CDON: variants seen among roughly 807,000 people sequenced by gnomAD.
CDON encodes cell adhesion molecule-related/down-regulated by oncogenes.
A neutral mutation model predicts 120.9 loss-of-function variants in CDON; 73 were observed. That is an observed-to-expected ratio of 0.60 (90% CI 0.50 to 0.73). The LOEUF (loss-of-function observed/expected upper bound fraction) is 0.73, where lower values mean the gene tolerates loss of function less well. Ranked by LOEUF, CDON falls within the 30% of genes least tolerant of loss-of-function variation. The pLI is 0.00. For missense variants in CDON, 1,470 were observed against 1,587.3 expected (o/e 0.93, Z 1.26); for synonymous variants, 566 against 573.5 (o/e 0.99, Z 0.19).
chr11:126,049,333 C>T (rs916361044), intron 1 of CDON, among the ~76,000 whole-genome samples: 9 of 152,048 alleles, frequency 5.9e-5, no homozygotes, highest in Non-Finnish European at 1.2e-4. Context: ...CTTGACAGAT[C>T]GTAGATAAGT....
chr11:126,054,558 G>A (rs116351153), intron 1 of CDON, among the ~76,000 whole-genome samples: 1,959 of 152,200 alleles, frequency 0.013, 39 homozygotes, highest in African/African-American at 0.044. Flanking sequence ...GCAAAATCGT[G>A]TGTTGAAATC....
In CDON at chr11:126,023,457, G is replaced by A. The variant is rs201873943; in HGVS notation, c.20C>T (p.Pro7Leu). 7.2e-5 allele frequency: 116 copies of A among 1,612,998 alleles called. No homozygotes were observed. Among genetic ancestry groups the A allele is most frequent in the Non-Finnish European group, 9.5e-5 (112 of 1,179,032 alleles). Residue 7 changes from proline to leucine, a missense_variant, in exon 2 of 20, where the codon CCC (proline) becomes CTC (leucine). Pro to Leu is a moderately conservative substitution (Grantham distance 98). Transcript: ENST00000531738. MHPDLG[P>L]LCTLLYVTLT... ...AGTAACATACAGCAGTGTACATAAG[G>A]GTCCAAGATCCGGATGCATAGCGCC...
intron 7 of CDON, among the ~76,000 whole-genome samples, chr11:126,013,583 G>C (rs1947368622): frequency 6.6e-6 from 1 of 151,884 alleles, no homozygotes; most frequent in East Asian, 1.9e-4. Context: ...ATAATTTTTT[G>C]TCACAAAATT....
chr11:125,993,395 GCACACACACA>G (rs72031190), intron 14 of CDON, among the ~76,000 whole-genome samples: 54 of 150,996 alleles, frequency 3.6e-4, no homozygotes, highest in African/African-American at 8.5e-4. Context: ...GCGCGTGCGT[GCACACACACA>G]CACACACACA....
At chr11:125,975,319 T>C (rs137932324) in intron 18 of CDON, among the ~76,000 whole-genome samples, 73 of 152,376 alleles carry the variant, frequency 4.8e-4, no homozygotes, top group African/African-American at 1.6e-3. Context: ...TGTTAGACTA[T>C]GGACTCTCTG....
Position 126,021,372 on chromosome 11 carries a change from A to G in CDON, c.225T>C (p.Val75=), listed in dbSNP as rs200691100. The G allele has an allele frequency of 2.7e-5, 43 of 1,614,150 alleles. No homozygotes were observed. The highest frequency in any genetic ancestry group is 5.0e-5 in the Admixed American group (3 of 60,022). The part of the protein sequence containing the change: ...GKTLDGNLEH[V]KIHQGTLTIL... ...TTGTCAGAGTCCCCTGATGAATCTT[A>G]ACATGTTCCAGGTTTCCATCCAATG... is the stretch of plus-strand genomic sequence containing the variant. Residue 75 remains valine, a synonymous_variant, in exon 3 of 20, where the codon GTT becomes GTC. Coordinates refer to ENST00000531738, the MANE Select transcript of CDON (RefSeq NM_001378964.1).
intron 1 of CDON, among the ~76,000 whole-genome samples, chr11:126,033,505 A>G (rs1223597290): frequency 6.6e-6 from 1 of 152,180 alleles, no homozygotes; most frequent in Non-Finnish European, 1.5e-5. Context: ...CTAATGAAAA[A>G]GTTTTAAAGC....
intron 14 of CDON, among the ~76,000 whole-genome samples, chr11:125,990,329 T>C (rs1432900631): frequency 6.6e-6 from 1 of 152,212 alleles, no homozygotes; most frequent in African/African-American, 2.4e-5. Context: ...GGGAAACTCT[T>C]GGCCACCACC....
At chr11:126,011,101 G>A (rs1947289897) in intron 7 of CDON, among the ~76,000 whole-genome samples, 1 of 152,128 alleles carries the variant, frequency 6.6e-6, no homozygotes, top group Non-Finnish European at 1.5e-5. Context: ...CAATTTTGTG[G>A]GGTAGGGTGG....
chr11:126,061,604 A>C (rs1323736814), intron 1 of CDON, among the ~76,000 whole-genome samples: 1 of 152,240 alleles, frequency 6.6e-6, no homozygotes, highest in African/African-American at 2.4e-5. Context: ...TTATGTTATC[A>C]GCGCCGAAAG....
chr11:125,984,855 A>G (rs1166991339), intron 15 of CDON, among the ~76,000 whole-genome samples: 1 of 152,182 alleles, frequency 6.6e-6, no homozygotes, highest in African/African-American at 2.4e-5. Flanking sequence ...GCTTTGGACT[A>G]CTAGAAAAAT....
At chr11:126,020,843 A>C (rs1342676817) in intron 3 of CDON, among the ~76,000 whole-genome samples, 1 of 152,252 alleles carries the variant, frequency 6.6e-6, no homozygotes, top group Non-Finnish European at 1.5e-5. Context: ...TGTGAAAGAA[A>C]GACAAAGGAC....
At chr11:126,014,116 A>G (rs74687648) in intron 7 of CDON, among the ~76,000 whole-genome samples, 1,825 of 152,258 alleles carry the variant, frequency 0.012, 38 homozygotes, top group African/African-American at 0.042. Flanking sequence ...CACTAATGTC[A>G]GAACATTTGG....
chr11:125,970,335 T>A (rs1407216140), intron 18 of CDON, among the ~76,000 whole-genome samples: 4 of 151,908 alleles, frequency 2.6e-5, no homozygotes. Context: ...CCACCACGCC[T>A]GGCTGATTTT....
At chr11:126,042,771 G>A (rs746935215) in intron 1 of CDON, among the ~76,000 whole-genome samples, 3 of 152,166 alleles carry the variant, frequency 2.0e-5, no homozygotes, top group South Asian at 2.1e-4. Flanking sequence ...ACAAGCACAC[G>A]CTGCCATGCT....
At position 126,045,435 on chromosome 11, in the gene CDON, TATAAA is replaced by T. The variant is rs568570615; in HGVS notation, c.-62+17139_-62+17143del. Among the ~76,000 whole-genome samples, 359 of 152,220 alleles carry T rather than the reference TATAAA, an allele frequency of 2.4e-3. 2 individuals carry two copies. Among genetic ancestry groups the T allele is most frequent in the Non-Finnish European group, 4.0e-3 (275 of 68,008 alleles). On this transcript the variant is annotated intron_variant, in intron 1 of 19. Coordinates refer to ENST00000531738, the MANE Select transcript of CDON (RefSeq NM_001378964.1). ...AGAATCAAAAAACAGACAAAGGAAATATAAAATAAACAAAAATAGTTCTCAATCAT... is the reference window on the plus strand; with the variant it reads ...AGAATCAAAAAACAGACAAAGGAAATATAAACAAAAATAGTTCTCAATCAT...
At chr11:126,012,990 T>A (rs995638674) in intron 7 of CDON, among the ~76,000 whole-genome samples, 2 of 152,202 alleles carry the variant, frequency 1.3e-5, no homozygotes, top group African/African-American at 4.8e-5. Context: ...TTAAATGCAA[T>A]GTTTCCTGTA....
chr11:126,063,252 TGCACTCAC>T (rs1281262943), upstream of CDON: 2 of 152,384 alleles, frequency 1.3e-5, no homozygotes, highest in Non-Finnish European at 2.9e-5. Flanking sequence ...CCATCATGCC[TGCACTCAC>T]GCTCCCCTCA....
At chr11:126,015,541 G>T in intron 6 of CDON, 31 bp from the exon 7 acceptor site, 1 of 1,609,330 alleles carries the variant, frequency 6.2e-7, no homozygotes, top group Non-Finnish European at 8.5e-7. Context: ...TTAAACTCTA[G>T]CCCTCAAAAT....
Sources: gnomAD v4.1 joint callset for allele counts (sites outside exome capture counted in the v4.1 genomes callset) on GRCh38, gnomAD v4.1.1 for gene constraint, MANE v1.5 for transcripts, NCBI Gene and HGNC (gene_info 2026-07-23, HGNC 2026-07-21) for gene names.